The following GPC6 variants were observed in gnomAD, a reference collection of about 807,000 sequenced individuals.
GPC6 encodes the protein glypican 6, also known as glypican-6.
In GPC6, 14 loss-of-function variants were observed where a neutral mutation model predicts 55.2. That is an observed-to-expected ratio of 0.25 (90% confidence interval 0.17 to 0.40). The LOEUF (loss-of-function observed/expected upper bound fraction) is 0.40, where lower values mean the gene tolerates loss of function less well. Ranked by LOEUF, GPC6 falls within the 10% of genes least tolerant of loss-of-function variation. The pLI is 1.00. For missense variants in GPC6, 641 were observed against 708.5 expected (o/e 0.90, Z 1.08); for synonymous variants, 278 against 259.6 (o/e 1.07, Z -0.68).
At chr13:93,814,171 A>C (rs541303386) in intron 2 of GPC6, among the ~76,000 whole-genome samples, 3 of 152,282 alleles carry the variant, frequency 2.0e-5, no homozygotes, top group Admixed American at 6.5e-5. Flanking sequence ...ACTCATTGCT[A>C]TTTGAGGAAT....
At chr13:93,889,220 G>T (rs905620878) in intron 3 of GPC6, among the ~76,000 whole-genome samples, 3 of 152,060 alleles carry the variant, frequency 2.0e-5, no homozygotes, top group Non-Finnish European at 4.4e-5. Flanking sequence ...AATTCATAAT[G>T]CAGCTTTCTC....
chr13:93,374,392 A>C (rs1874799906), intron 1 of GPC6, among the ~76,000 whole-genome samples: 1 of 152,134 alleles, frequency 6.6e-6, no homozygotes, highest in Admixed American at 6.5e-5. Context: ...GAAGTTGATG[A>C]GTGGCAAGGT....
At chr13:94,183,690 G>T (rs570101170) in intron 4 of GPC6, among the ~76,000 whole-genome samples, 3 of 152,216 alleles carry the variant, frequency 2.0e-5, no homozygotes, top group African/African-American at 7.2e-5. Context: ...AGAAATCTAC[G>T]AGGGTTTCAA....
intron 6 of GPC6, among the ~76,000 whole-genome samples, chr13:94,313,416 T>C (rs1182888695): frequency 6.6e-6 from 1 of 152,188 alleles, no homozygotes; most frequent in African/African-American, 2.4e-5. Context: ...TATTTTTACA[T>C]CCCTGAGAAG....
Position 93,565,781 on chromosome 13 carries a change from G to A in GPC6, c.319+20360G>A, listed in dbSNP as rs140085706. Among the ~76,000 whole-genome samples, 532 of 152,134 alleles carry A rather than the reference G, an allele frequency of 3.5e-3. 4 individuals carry two copies. Among genetic ancestry groups the A allele is most frequent in the African/African-American group, 0.012 (486 of 41,508 alleles). On this transcript the variant is annotated intron_variant, in intron 2 of 8. Coordinates refer to ENST00000377047, the MANE Select transcript of GPC6 (RefSeq NM_005708.5). ...TACTAAAAATACAAAAATTAGCTGG[G>A]CTTAGTGGCACGTGCCTGTAATCCC...
chr13:93,957,333 G>A (rs1385695718), intron 3 of GPC6, among the ~76,000 whole-genome samples: 1 of 152,122 alleles, frequency 6.6e-6, no homozygotes, highest in Non-Finnish European at 1.5e-5. Context: ...CAGTTCATGA[G>A]CGTAGTATCA....
At chr13:93,886,749 A>ATTTTTTTTTTT (rs34726181) in intron 3 of GPC6, among the ~76,000 whole-genome samples, 5 of 135,338 alleles carry the variant, frequency 3.7e-5, no homozygotes, top group Non-Finnish European at 4.7e-5. Context: ...AGCATCTGTC[A>ATTTTTTTTTTT]TTTTTTTTTT....
chr13:93,435,699 C>T (rs1369066915), intron 1 of GPC6, among the ~76,000 whole-genome samples: 2 of 152,116 alleles, frequency 1.3e-5, no homozygotes, highest in East Asian at 3.9e-4. Flanking sequence ...TGAGAGTCTT[C>T]TTAGTTCCAA....
chr13:93,790,159 A>G (rs1303970635), intron 2 of GPC6, among the ~76,000 whole-genome samples: 2 of 152,146 alleles, frequency 1.3e-5, no homozygotes, highest in Non-Finnish European at 2.9e-5. Context: ...TAGAGATGAC[A>G]GTTAATAGTA....
chr13:93,437,157 G>A (rs187294861), intron 1 of GPC6, among the ~76,000 whole-genome samples: 184 of 152,108 alleles, frequency 1.2e-3, no homozygotes, highest in Middle Eastern at 3.4e-3. Flanking sequence ...TGTTGTGACC[G>A]CTCCACCAAC....
chr13:93,415,191 C>T (rs569355738), intron 1 of GPC6, among the ~76,000 whole-genome samples: 36 of 152,174 alleles, frequency 2.4e-4, no homozygotes, highest in African/African-American at 7.0e-4. Flanking sequence ...AATGATTGTA[C>T]TTAGTTCATG....
chr13:93,758,260 G>A (rs536734352), intron 2 of GPC6, among the ~76,000 whole-genome samples: 19 of 152,282 alleles, frequency 1.2e-4, no homozygotes, highest in African/African-American at 1.9e-4. Context: ...AGCTGTCTGA[G>A]GTGCAACAGT....
chr13:93,370,835 C>A (rs563434177), intron 1 of GPC6, among the ~76,000 whole-genome samples: 1 of 152,194 alleles, frequency 6.6e-6, no homozygotes, highest in South Asian at 2.1e-4. Flanking sequence ...GGTATCATTG[C>A]GTTGTAATTC....
intron 1 of GPC6, among the ~76,000 whole-genome samples, chr13:93,248,355 A>G (rs1295931060): frequency 6.6e-6 from 1 of 151,606 alleles, no homozygotes; most frequent in African/African-American, 2.4e-5. Flanking sequence ...CCCCTAAAGG[A>G]TATATTTTCA....
chr13:93,948,405 T>C (rs556622353), intron 3 of GPC6, among the ~76,000 whole-genome samples: 1 of 152,346 alleles, frequency 6.6e-6, no homozygotes, highest in Admixed American at 6.5e-5. Flanking sequence ...TCTTGGGGAA[T>C]GCACACTTGT....
chr13:93,758,117 G>A (rs752318520), intron 2 of GPC6, among the ~76,000 whole-genome samples: 31 of 152,290 alleles, frequency 2.0e-4, no homozygotes, highest in Middle Eastern at 3.4e-3. Flanking sequence ...CACATTAACT[G>A]AATTTGGTCC....
intron 1 of GPC6, among the ~76,000 whole-genome samples, chr13:93,478,852 C>T (rs1275868363): frequency 1.3e-5 from 2 of 152,152 alleles, no homozygotes; most frequent in African/African-American, 4.8e-5. Context: ...ACAAATAATA[C>T]TGTCAGAAGT....
Position 93,930,420 on chromosome 13 carries a change from C to T in GPC6, c.712-97309C>T, listed in dbSNP as rs190762197. Among the ~76,000 whole-genome samples the T allele has an allele frequency of 4.5e-3, 676 of 151,810 alleles. 4 individuals carry two copies. The highest frequency in any genetic ancestry group is 0.015 in the African/African-American group (629 of 41,388). On this transcript the variant is annotated intron_variant, in intron 3 of 8. Coordinates refer to ENST00000377047, the MANE Select transcript of GPC6 (RefSeq NM_005708.5). ...CCGAGTAGCTGGGACTACAGGCACC[C>T]GCCACCACACCTGGCTAATTTTGTA...
chr13:93,311,206 G>T (rs1382154985), intron 1 of GPC6, among the ~76,000 whole-genome samples: 2 of 152,148 alleles, frequency 1.3e-5, no homozygotes, highest in African/African-American at 4.8e-5. Context: ...TCTATTTCTG[G>T]AAGGCTTTGG....
Sources: gnomAD v4.1 joint callset for allele counts (sites outside exome capture counted in the v4.1 genomes callset) on GRCh38, gnomAD v4.1.1 for gene constraint, MANE v1.5 for transcripts, NCBI Gene and HGNC (gene_info 2026-07-23, HGNC 2026-07-21) for gene names.